The following NSD3 variants were observed in gnomAD, a reference collection of about 807,000 sequenced individuals.
NSD3 encodes nuclear receptor binding SET domain protein 3, also known as histone-lysine N-methyltransferase NSD3.
A neutral mutation model predicts 160.8 loss-of-function variants in NSD3; 24 were observed. That is an observed-to-expected ratio of 0.15 (90% CI 0.11 to 0.21). NSD3 has a LOEUF of 0.21. Among genes scored for constraint, NSD3 ranks in the 10% least tolerant of loss-of-function variants. NSD3 has a pLI of 1.00. For missense variants in NSD3, 1,157 were observed against 1,735.9 expected (o/e 0.67, Z 5.93); for synonymous variants, 520 against 600.0 (o/e 0.87, Z 1.95).
chr8:38,332,881 T>C (rs1810100964), intron 4 of NSD3, among the ~76,000 whole-genome samples: 1 of 152,046 alleles, frequency 6.6e-6, no homozygotes, highest in Non-Finnish European at 1.5e-5. Context: ...ATTAGATCAA[T>C]GGAGAAATGC....
At position 38,336,373 on chromosome 8, in the gene NSD3, A is replaced by G. The variant is rs143470945; in HGVS notation, c.910+932T>C. The stretch of plus-strand genomic sequence containing the variant: ...GTCAAATCCCAGAAAAGGAGTAGAG[A>G]AAAGTTAGAATTGTCTTTCTTAATT... On this transcript the variant is annotated intron_variant, in intron 4 of 23. Transcript: ENST00000317025. 3.9e-3 allele frequency among the ~76,000 whole-genome samples: 588 copies of G among 152,350 alleles called. 5 individuals are homozygous for G. The highest frequency in any genetic ancestry group is 0.014 in the African/African-American group (569 of 41,580).
chr8:38,301,217 C>G (rs758169220), intron 14 of NSD3, among the ~76,000 whole-genome samples: 1 of 152,180 alleles, frequency 6.6e-6, no homozygotes, highest in Non-Finnish European at 1.5e-5. Flanking sequence ...GCAATCCTCC[C>G]ACCTCAGCAT....
chr8:38,331,038 A>G (rs1003920037), intron 5 of NSD3, among the ~76,000 whole-genome samples: 1 of 152,230 alleles, frequency 6.6e-6, no homozygotes, highest in Non-Finnish European at 1.5e-5. Flanking sequence ...AATATTTTTA[A>G]AAGTTTACTT....
intron 14 of NSD3, among the ~76,000 whole-genome samples, chr8:38,300,163 T>TTA (rs1809246493): frequency 7.4e-6 from 1 of 134,808 alleles, no homozygotes; most frequent in Admixed American, 7.0e-5. Flanking sequence ...TCATTTTATA[T>TTA]TATATATATA....
chr8:38,284,612 C>T (rs564664628), intron 19 of NSD3, among the ~76,000 whole-genome samples: 11 of 152,116 alleles, frequency 7.2e-5, no homozygotes, highest in Non-Finnish European at 1.3e-4. Flanking sequence ...GTCTCGAACT[C>T]GTAATCTCAA....
intron 1 of NSD3, among the ~76,000 whole-genome samples, chr8:38,368,016 G>A (rs1417833270): frequency 2.0e-5 from 3 of 151,718 alleles, no homozygotes; most frequent in Non-Finnish European, 4.4e-5. Flanking sequence ...ATTTGCTCTT[G>A]TTGCCCAGGT....
chr8:38,284,060 A>G lies in NSD3; in HGVS notation c.3502-2477T>C, dbSNP rs574273240. ...CAAGGCTGCAGCGAGCTGTGACTGT[A>G]CCACTGCACTCCAACCTGGGTGACA... On this transcript the variant is annotated intron_variant, in intron 19 of 23. Coordinates refer to ENST00000317025, the MANE Select transcript of NSD3 (RefSeq NM_023034.2). Among the ~76,000 whole-genome samples the G allele has an allele frequency of 3.9e-5, 6 of 152,272 alleles. No individual in the cohort carries two copies. In the East Asian group the frequency reaches 1.2e-3, roughly 29 times the overall value.
At chr8:38,309,769 A>C (rs1002658137) in intron 12 of NSD3, among the ~76,000 whole-genome samples, 1 of 152,234 alleles carries the variant, frequency 6.6e-6, no homozygotes, top group Non-Finnish European at 1.5e-5. Flanking sequence ...TTTTATTCAA[A>C]AGGGCAAATA....
At chr8:38,311,219 GA>G (rs1407492186) in intron 12 of NSD3, among the ~76,000 whole-genome samples, 1 of 151,620 alleles carries the variant, frequency 6.6e-6, no homozygotes, top group Non-Finnish European at 1.5e-5. Context: ...CTGGCCCCCT[GA>G]TTACTCATTA....
chr8:38,291,693 C>A (rs1441163608), intron 16 of NSD3, among the ~76,000 whole-genome samples: 1 of 152,192 alleles, frequency 6.6e-6, no homozygotes, highest in East Asian at 1.9e-4. Context: ...TCAAAGCAGG[C>A]TCTATTTATT....
intron 1 of NSD3, among the ~76,000 whole-genome samples, chr8:38,356,905 G>C (rs1810837688): frequency 6.6e-6 from 1 of 151,608 alleles, no homozygotes; most frequent in South Asian, 2.1e-4. Context: ...GATCAACTGA[G>C]ATCAGGAGTT....
intron 14 of NSD3, 81 bp downstream of exon 14, chr8:38,304,506 T>C (rs1037867429): frequency 1.4e-6 from 2 of 1,433,886 alleles, no homozygotes; most frequent in Non-Finnish European, 1.9e-6. Context: ...CTGAGTTCTT[T>C]CCCAATGCTG....
intron 8 of NSD3, chr8:38,320,382 A>C (rs1490401792): frequency 6.6e-6 from 1 of 152,172 alleles, no homozygotes; most frequent in Non-Finnish European, 1.5e-5. Flanking sequence ...AATTAAGAAA[A>C]AATCTGATTG....
rs541592716 is a variant in NSD3, at chr8:38,310,059, T to TA, written c.2242+4587dup. Among the ~76,000 whole-genome samples the TA allele has an allele frequency of 1.8e-3, 270 of 152,312 alleles. 1 individual carries two copies. Among genetic ancestry groups the TA allele is most frequent in the Middle Eastern group, 6.8e-3 (2 of 294 alleles). On this transcript the variant is annotated intron_variant, in intron 12 of 23. Transcript: ENST00000317025. Reference sequence around the variant, plus strand: ...TAATTGTGGTAAAATATATATAACATAAAATTTAACACTTTAACCATTTTT... The same window carrying TA: ...TAATTGTGGTAAAATATATATAACATAAAAATTTAACACTTTAACCATTTTT...
Position 38,329,778 on chromosome 8 carries a change from T to C in NSD3, c.1181A>G (p.Tyr394Cys). 6.2e-7 allele frequency: 1 copy of C among 1,614,230 alleles called. No homozygotes were observed. The change falls in exon 6 of 24, where the codon TAC (tyrosine) becomes TGC (cysteine). Residue 394 changes from tyrosine (Y) to cysteine (C), a missense_variant. Coordinates refer to ENST00000317025, the MANE Select transcript of NSD3 (RefSeq NM_023034.2). This position sits in a 1 kb window ranked among gnomAD's most constrained non-coding sequence, Gnocchi z 4.8. ...AGCCTCTTCAGGCTGTTTATCAATG[T>C]AAATAAAAGTATACTGTTCTATTCT... Reference protein sequence around the residue: ...EERIEQYTFIYIDKQPEEALS... With the variant: ...EERIEQYTFICIDKQPEEALS...
At chr8:38,306,962 A>AAAATTAGCC (rs1431851220) in intron 12 of NSD3, among the ~76,000 whole-genome samples, 17 of 151,626 alleles carry the variant, frequency 1.1e-4, no homozygotes, top group Non-Finnish European at 1.9e-4. Context: ...AAAATACAAA[A>AAAATTAGCC]AAATTAGCCG....
At chr8:38,339,832 A>G (rs959111068) in intron 2 of NSD3, among the ~76,000 whole-genome samples, 3 of 152,212 alleles carry the variant, frequency 2.0e-5, no homozygotes, top group Non-Finnish European at 4.4e-5. Flanking sequence ...TAGCAATCAC[A>G]TTGTAGAAAT....
chr8:38,282,514 T>C (rs1350228125), intron 19 of NSD3, among the ~76,000 whole-genome samples: 1 of 152,020 alleles, frequency 6.6e-6, no homozygotes, highest in African/African-American at 2.4e-5. Flanking sequence ...CTACTAAGAA[T>C]ACAAAAATTG....
At chr8:38,295,719 A>G in intron 16 of NSD3, 77 bp downstream of exon 16, 1 of 1,387,950 alleles carries the variant, frequency 7.2e-7, no homozygotes, top group Non-Finnish European at 9.8e-7. Flanking sequence ...TCTATCTCCA[A>G]GTCACTCTGT....
Sources: allele counts gnomAD v4.1 joint callset (sites outside exome capture counted in the v4.1 genomes callset), GRCh38; gene constraint gnomAD v4.1.1; non-coding constraint Gnocchi (gnomAD v3.1); transcripts MANE v1.5; gene names NCBI Gene and HGNC (gene_info 2026-07-23, HGNC 2026-07-21).